Variants in CDH13 observed in about 807,000 individuals in gnomAD.
CDH13 encodes the protein cadherin 13, also known as cadherin-13.
Under a neutral mutation model 63.8 loss-of-function variants are expected in CDH13, and 24 were observed. The observed-to-expected ratio is 0.38, with a 90% confidence interval of 0.27 to 0.53. The LOEUF (loss-of-function observed/expected upper bound fraction) is 0.53, where lower values mean the gene tolerates loss of function less well. CDH13 is among the 20% of genes least tolerant of loss of function. The probability of loss-of-function intolerance (pLI) is 0.85; values close to 1 mark genes in which losing one functional copy is unlikely to be tolerated. For missense variants in CDH13, 1,049 were observed against 903.1 expected (o/e 1.16, Z -2.07); for synonymous variants, 503 against 355.3 (o/e 1.42, Z -4.67).
At chr16:83,232,632 C>T (rs552888175) in intron 5 of CDH13, among the ~76,000 whole-genome samples, 14 of 152,184 alleles carry the variant, frequency 9.2e-5, no homozygotes, top group South Asian at 6.2e-4. Flanking sequence ...GCCTGCATCC[C>T]CTTTGCCTTC....
chr16:83,273,516 C>A (rs1303112206), intron 5 of CDH13, among the ~76,000 whole-genome samples: 2 of 152,098 alleles, frequency 1.3e-5, no homozygotes, highest in Non-Finnish European at 2.9e-5. Flanking sequence ...GTGGTACATA[C>A]ACACCATGGA....
chr16:83,186,386 C>T (rs769919997), intron 4 of CDH13, among the ~76,000 whole-genome samples: 7 of 152,096 alleles, frequency 4.6e-5, no homozygotes, highest in Non-Finnish European at 8.8e-5. Context: ...ATCCACCCGC[C>T]TCGGCCTCCC....
At chr16:83,336,047 T>C (rs775469596) in intron 5 of CDH13, among the ~76,000 whole-genome samples, 1 of 152,060 alleles carries the variant, frequency 6.6e-6, no homozygotes, top group Non-Finnish European at 1.5e-5. Flanking sequence ...ACACCTGTAA[T>C]CTCAGCACTT....
At chr16:82,648,913 C>T (rs542962801) in intron 1 of CDH13, among the ~76,000 whole-genome samples, 7 of 152,246 alleles carry the variant, frequency 4.6e-5, no homozygotes, top group African/African-American at 1.7e-4. Context: ...GTGAGAAGTC[C>T]AGCTTGAAAG....
intron 5 of CDH13, among the ~76,000 whole-genome samples, chr16:83,262,745 A>G (rs907788393): frequency 1.3e-5 from 2 of 152,210 alleles, no homozygotes; most frequent in Admixed American, 6.5e-5. Context: ...ATGCACTAGA[A>G]TAACTTGTAA....
chr16:83,742,350 G>C (rs1165131107), intron 10 of CDH13, among the ~76,000 whole-genome samples: 7 of 152,190 alleles, frequency 4.6e-5, no homozygotes, highest in Non-Finnish European at 1.0e-4. Context: ...ACCCAGAAGA[G>C]GCCGAGGCTT....
intron 1 of CDH13, among the ~76,000 whole-genome samples, chr16:82,800,639 A>C (rs765353592): frequency 6.6e-6 from 1 of 152,200 alleles, no homozygotes; most frequent in African/African-American, 2.4e-5. Context: ...CCAGCTCTAC[A>C]TGATTTGGAG....
At chr16:82,790,774 G>A (rs754942886) in intron 1 of CDH13, among the ~76,000 whole-genome samples, 16 of 152,290 alleles carry the variant, frequency 1.1e-4, no homozygotes, top group Non-Finnish European at 1.9e-4. Context: ...AGGGAAGAGG[G>A]AGGAGTCCCT....
intron 2 of CDH13, among the ~76,000 whole-genome samples, chr16:82,890,776 C>G (rs12934108): frequency 2.6e-5 from 4 of 151,630 alleles, no homozygotes; most frequent in African/African-American, 9.7e-5. Flanking sequence ...CTCAGCCTCC[C>G]GAATAGCTGA....
intron 5 of CDH13, among the ~76,000 whole-genome samples, chr16:83,292,581 G>A (rs1221724716): frequency 6.6e-6 from 1 of 152,104 alleles, no homozygotes; most frequent in African/African-American, 2.4e-5. Context: ...AAATCAAGCG[G>A]TAGGAGCTAT....
chr16:83,730,558 A>G (rs1472189384), intron 10 of CDH13, among the ~76,000 whole-genome samples: 1 of 152,242 alleles, frequency 6.6e-6, no homozygotes, highest in Non-Finnish European at 1.5e-5. Context: ...ACACACTAAA[A>G]TATACGGTGG....
At chr16:83,596,092 A>G (rs937006941) in intron 7 of CDH13, among the ~76,000 whole-genome samples, 1 of 152,300 alleles carries the variant, frequency 6.6e-6, no homozygotes. Flanking sequence ...GAAACACAGA[A>G]TCAGGTGAGG....
intron 8 of CDH13, among the ~76,000 whole-genome samples, chr16:83,649,163 G>A (rs928545414): frequency 2.0e-5 from 3 of 152,212 alleles, no homozygotes; most frequent in African/African-American, 4.8e-5. Flanking sequence ...GTGGCCACAG[G>A]CTGCTGTTGG....
intron 10 of CDH13, among the ~76,000 whole-genome samples, chr16:83,707,857 A>AAAAAAAAAAAAAAAAAAC: frequency 7.1e-6 from 1 of 139,892 alleles, no homozygotes; most frequent in Non-Finnish European, 1.5e-5. Context: ...AAAAAAAAAA[A>AAAAAAAAAAAAAAAAAAC]AGAGCTGGGA....
chr16:83,481,517 G>A (rs1379642211), intron 6 of CDH13, among the ~76,000 whole-genome samples: 1 of 152,190 alleles, frequency 6.6e-6, no homozygotes, highest in Non-Finnish European at 1.5e-5. Flanking sequence ...CAAGAAACCA[G>A]GCGGCACTTG....
At chr16:83,076,722 C>T (rs925525948) in intron 3 of CDH13, among the ~76,000 whole-genome samples, 16 of 152,054 alleles carry the variant, frequency 1.1e-4, no homozygotes, top group Non-Finnish European at 2.2e-4. Context: ...TGTAACACTC[C>T]ACCCCCTAAA....
At chr16:83,058,412 A>T (rs144580559) in intron 3 of CDH13, among the ~76,000 whole-genome samples, 101 of 152,282 alleles carry the variant, frequency 6.6e-4, no homozygotes, top group African/African-American at 2.4e-3. Flanking sequence ...TGGTGTTCCT[A>T]TGTTTCAACA....
chr16:83,218,270 A>T (rs536169590), intron 5 of CDH13, among the ~76,000 whole-genome samples: 17 of 152,138 alleles, frequency 1.1e-4, no homozygotes, highest in Non-Finnish European at 1.9e-4. Flanking sequence ...GCATGATGGT[A>T]GGTAGTAAAG....
At chr16:82,794,123 A>G in intron 1 of CDH13, among the ~76,000 whole-genome samples, 1 of 151,566 alleles carries the variant, frequency 6.6e-6, no homozygotes, top group East Asian at 1.9e-4. Context: ...GCCCAACACA[A>G]GTTCGTAAAG....
Sources: allele counts gnomAD v4.1 joint callset (sites outside exome capture counted in the v4.1 genomes callset), GRCh38; gene constraint gnomAD v4.1.1; transcripts MANE v1.5; gene names NCBI Gene and HGNC (gene_info 2026-07-23, HGNC 2026-07-21).